NUP133: variants seen among roughly 807,000 people sequenced by gnomAD.
NUP133 encodes nuclear pore complex protein Nup133.
NUP133 carries 66 observed loss-of-function variants against 146.2 expected under a neutral mutation model. That is an observed-to-expected ratio of 0.45 (90% CI 0.37 to 0.55). NUP133 has a LOEUF of 0.55. Among genes scored for constraint, NUP133 ranks in the 20% least tolerant of loss-of-function variants. The probability of loss-of-function intolerance (pLI) is 0.00; values close to 1 mark genes in which losing one functional copy is unlikely to be tolerated. For synonymous variants in NUP133, 521 were observed against 498.8 expected, an observed-to-expected ratio of 1.04 and a Z score of -0.59; for missense variants, 1,277 against 1,374.8, an observed-to-expected ratio of 0.93 and a Z score of 1.12.
intron 21 of NUP133, among the ~76,000 whole-genome samples, chr1:229,453,187 C>T (rs1034320275): frequency 8.5e-5 from 12 of 141,156 alleles, no homozygotes; most frequent in African/African-American, 3.5e-4. Context: ...TTCTAGCCTC[C>T]CAAAGTGTTG....
chr1:229,465,010 G>A, intron 17 of NUP133, 135 bp from the exon 18 acceptor site: 1 of 1,005,004 alleles, frequency 1.0e-6, no homozygotes, highest in Non-Finnish European at 1.5e-6. Flanking sequence ...GGTGATACCT[G>A]TCAATGCCCT....
intron 2 of NUP133, among the ~76,000 whole-genome samples, chr1:229,503,214 G>A (rs1661849992): frequency 6.6e-6 from 1 of 152,010 alleles, no homozygotes; most frequent in African/African-American, 2.4e-5. Flanking sequence ...GGAGGCAGAG[G>A]TTGCATTGAG....
At chr1:229,474,518 A>G (rs1274710307) in intron 14 of NUP133, among the ~76,000 whole-genome samples, 1 of 152,216 alleles carries the variant, frequency 6.6e-6, no homozygotes, top group Admixed American at 6.5e-5. Flanking sequence ...AGAATGTGGG[A>G]TTAGGAACAA....
At chr1:229,451,534 T>C (rs1222153025) in intron 22 of NUP133, among the ~76,000 whole-genome samples, 1 of 152,232 alleles carries the variant, frequency 6.6e-6, no homozygotes, top group Non-Finnish European at 1.5e-5. Context: ...ATTTCTGTAT[T>C]CTTCAAATTT....
intron 12 of NUP133, among the ~76,000 whole-genome samples, chr1:229,479,779 A>C (rs1661165237): frequency 6.6e-6 from 1 of 152,176 alleles, no homozygotes; most frequent in African/African-American, 2.4e-5. Context: ...CAGCAAATGA[A>C]GCCAAGGAGG....
Position 229,508,272 on chromosome 1 carries a change from G to A in NUP133, c.-23C>T, listed in dbSNP as rs1273302664. ...CATGACTCCAAGGAGCAGCGACTAGGACAGCGAGGGATCTGGCCGTCAGGT... is the reference window on the plus strand; with the variant it reads ...CATGACTCCAAGGAGCAGCGACTAGAACAGCGAGGGATCTGGCCGTCAGGT... On this transcript the variant is annotated 5_prime_UTR_variant, in exon 1 of 26. Transcript: ENST00000261396. The A allele has an allele frequency of 3.5e-6, 5 of 1,428,244 alleles. No homozygotes were observed. Among genetic ancestry groups the A allele is most frequent in the East Asian group, 2.9e-5 (1 of 34,966 alleles). 88.5% of individuals were successfully genotyped at this position (1,428,244 alleles called of 1,614,324 possible).
chr1:229,462,840 T>A (rs747456071), intron 19 of NUP133, among the ~76,000 whole-genome samples: 1 of 152,102 alleles, frequency 6.6e-6, no homozygotes, highest in South Asian at 2.1e-4. Context: ...CATGAGCCAC[T>A]GAGGCTGGCT....
chr1:229,507,758 T>G (rs1328831289), intron 1 of NUP133, among the ~76,000 whole-genome samples: 1 of 152,048 alleles, frequency 6.6e-6, no homozygotes, highest in African/African-American at 2.4e-5. Flanking sequence ...ATGAAGAAAA[T>G]CACGAGTGAC....
Position 229,494,933 on chromosome 1 carries a change from G to C in NUP133, c.1046+562C>G, listed in dbSNP as rs112614553. 1.7e-3 allele frequency among the ~76,000 whole-genome samples: 262 copies of C among 152,352 alleles called. 2 individuals carry two copies. Among genetic ancestry groups the C allele is most frequent in the African/African-American group, 5.9e-3 (247 of 41,584 alleles). ...GCAGTGAAGAAGAGAAGCTCTAGCT[G>C]TAAGAGCAGAAAAGCTTTGTCTCTA... On this transcript the variant is annotated intron_variant, in intron 8 of 25. Transcript: ENST00000261396.
chr1:229,490,079 G>A lies in NUP133; in HGVS notation c.1070C>T (p.Ala357Val), dbSNP rs201025551. 2 of 1,592,320 alleles carry A rather than the reference G, an allele frequency of 1.3e-6. No homozygotes were observed. Among genetic ancestry groups the A allele is most frequent in the Middle Eastern group, 1.7e-4 (1 of 6,026 alleles). Residue 357 changes from alanine (A) to valine (V), a missense_variant, in exon 9 of 26, where the codon GCA becomes GTA. This residue lies in a region of NUP133 where 952 missense variants were observed against 1,047.0 expected (regional missense o/e 0.91). Coordinates refer to ENST00000261396, the MANE Select transcript of NUP133 (RefSeq NM_018230.3). Reference protein sequence around the residue: ...QNCDGLVILAAAWHSADNPCL... With the variant: ...QNCDGLVILAVAWHSADNPCL... ...TGGATTGTCTGCTGAGTGCCATGCT[G>A]CTGCCAAAATCACCAGCCCATCACT...
intron 2 of NUP133, among the ~76,000 whole-genome samples, chr1:229,505,584 A>AC (rs1661913425): frequency 6.6e-6 from 1 of 150,446 alleles, no homozygotes; most frequent in African/African-American, 2.4e-5. Context: ...AAAAAAAAAA[A>AC]AAAAAAAAAC....
chr1:229,488,153 T>G (rs1269530352), intron 9 of NUP133, among the ~76,000 whole-genome samples: 2 of 152,152 alleles, frequency 1.3e-5, no homozygotes, highest in African/African-American at 4.8e-5. Flanking sequence ...GCCTAAATTG[T>G]TAATTTCCAA....
chr1:229,455,505 G>C (rs1202337869), intron 21 of NUP133, among the ~76,000 whole-genome samples: 9 of 152,182 alleles, frequency 5.9e-5, no homozygotes, highest in Admixed American at 5.9e-4. Context: ...AGGCTGCAGT[G>C]AGCCATGATT....
In NUP133 at chr1:229,470,623, T is replaced by C; in HGVS notation, c.2033A>G (p.Glu678Gly). Residue 678 changes from glutamate (E) to glycine (G), a missense_variant, in exon 15 of 26, where the codon GAA (glutamate) becomes GGA (glycine). Coordinates refer to ENST00000261396, the MANE Select transcript of NUP133 (RefSeq NM_018230.3). ...ILIALNKREY[E>G]IPSNLTPADV... is the part of the protein sequence containing the mutation. The stretch of plus-strand genomic sequence containing the variant: ...TGCAGGAGTCAGGTTGGATGGGATT[T>C]CATACTCCCTCTTGTTCAAAGCAAT... 2 of 1,614,208 alleles carry C rather than the reference T, an allele frequency of 1.2e-6. No individual in the cohort carries two copies. Among genetic ancestry groups the C allele is most frequent in the Non-Finnish European group, 1.7e-6 (2 of 1,180,044 alleles).
chr1:229,481,428 G>T (rs954749407), intron 12 of NUP133, among the ~76,000 whole-genome samples: 1 of 152,140 alleles, frequency 6.6e-6, no homozygotes, highest in African/African-American at 2.4e-5. Context: ...GGCCACGTGG[G>T]CTGGGCATGG....
chr1:229,464,116 G>T (rs1465639691), intron 18 of NUP133, among the ~76,000 whole-genome samples: 1 of 152,130 alleles, frequency 6.6e-6, no homozygotes, highest in Non-Finnish European at 1.5e-5. Flanking sequence ...CTGCACTACA[G>T]CCTGGGCGAG....
intron 12 of NUP133, among the ~76,000 whole-genome samples, chr1:229,481,203 T>G (rs1191169261): frequency 2.6e-5 from 4 of 152,182 alleles, no homozygotes; most frequent in Admixed American, 2.0e-4. Context: ...GGGTACTGCT[T>G]GCTCAGGACT....
chr1:229,501,779 A>G (rs1002604892), intron 3 of NUP133, among the ~76,000 whole-genome samples: 7 of 152,190 alleles, frequency 4.6e-5, no homozygotes, highest in African/African-American at 1.7e-4. Context: ...ATTTTATTAA[A>G]TGTAAACAAC....
At chr1:229,480,847 C>T (rs933098206) in intron 12 of NUP133, among the ~76,000 whole-genome samples, 4 of 148,482 alleles carry the variant, frequency 2.7e-5, no homozygotes, top group Non-Finnish European at 5.9e-5. Flanking sequence ...CCACCACACC[C>T]AGCTATTTTT....
Sources: gnomAD v4.1 joint callset for allele counts (sites outside exome capture counted in the v4.1 genomes callset) on GRCh38, gnomAD v4.1.1 for gene constraint, gnomAD v4.1.1 regional missense constraint, MANE v1.5 for transcripts, NCBI Gene and HGNC (gene_info 2026-07-23, HGNC 2026-07-21) for gene names.